ODF4: variants seen among roughly 807,000 people sequenced by gnomAD.
ODF4 encodes the protein outer dense fiber protein 4.
A neutral mutation model predicts 17.0 loss-of-function variants in ODF4; 11 were observed. The observed-to-expected ratio is 0.65, with a 90% CI of 0.41 to 1.07. ODF4 has a LOEUF of 1.07. Among genes scored for constraint, ODF4 ranks in the 50% least tolerant of loss-of-function variants. The pLI, the probability that ODF4 is intolerant of heterozygous loss-of-function variation, is 0.00. For missense variants in ODF4, 281 were observed against 310.2 expected (o/e 0.91, Z 0.71); for synonymous variants, 127 against 121.8 (o/e 1.04, Z -0.28).
In ODF4 at chr17:8,343,134, A is replaced by ATTTTT. The variant is rs67338704; in HGVS notation, c.455-2198_455-2194dup. On this transcript the variant is annotated intron_variant, in intron 1 of 2. Coordinates refer to ENST00000328248, the MANE Select transcript of ODF4 (RefSeq NM_153007.5). ...TTCTAAATCAAGGAGCTTATTGGAC[A>ATTTTT]TTTTTTTTTTTTTTTGAGATGGAGT... Among the ~76,000 whole-genome samples, 6 of 141,342 alleles carry ATTTTT rather than the reference A, an allele frequency of 4.2e-5. 1 individual carries two copies. The highest frequency in any genetic ancestry group is 7.1e-3 in the Middle Eastern group (2 of 282). 92.7% of individuals were successfully genotyped at this position (141,342 alleles called of 152,430 possible). A position where few individuals can be genotyped will look rare whatever the true frequency, so the allele number is the denominator to read the frequency against.
At chr17:8,340,733 G>C (rs1266578472) in intron 1 of ODF4, among the ~76,000 whole-genome samples, 1 of 152,094 alleles carries the variant, frequency 6.6e-6, no homozygotes, top group Admixed American at 6.6e-5. Context: ...ATAAAACCCA[G>C]AGCCAAATCT....
chr17:8,341,424 T>C (rs1906012754), intron 1 of ODF4, among the ~76,000 whole-genome samples: 1 of 152,182 alleles, frequency 6.6e-6, no homozygotes, highest in African/African-American at 2.4e-5. Flanking sequence ...TTTCCACATC[T>C]GGCTTCTGTG....
At chr17:8,343,133 CA>C (rs1906096349) in intron 1 of ODF4, among the ~76,000 whole-genome samples, 1 of 133,458 alleles carries the variant, frequency 7.5e-6, no homozygotes, top group Non-Finnish European at 1.6e-5. Flanking sequence ...GCTTATTGGA[CA>C]TTTTTTTTTT....
chr17:8,341,900 A>T (rs980694143), intron 1 of ODF4, among the ~76,000 whole-genome samples: 3 of 152,128 alleles, frequency 2.0e-5, no homozygotes, highest in Non-Finnish European at 4.4e-5. Flanking sequence ...TCCTTATTAT[A>T]ATAAATTTGG....
Position 8,340,418 on chromosome 17 carries a change from A to T in ODF4, c.367A>T (p.Arg123Ter), listed in dbSNP as rs766836269. ...GCGCTGGCCCGTGGATGTCAGCAAC[A>T]GAATCCACACATCAGCCCACGTTAT... ...YQRWPVDVSN[R>*]IHTSAHVMSM... The change falls in exon 1 of 3, where the codon AGA (arginine) becomes TGA (stop). Residue 123 changes from arginine to a stop codon, truncating the protein, a stop_gained. Transcript: ENST00000328248. LOFTEE classifies it high-confidence loss of function. 3.1e-6 allele frequency: 5 copies of T among 1,613,788 alleles called. No homozygotes were observed. In the Admixed American group the frequency reaches 5.0e-5, roughly 16 times the overall value.
rs751907224 is a variant in ODF4 at position 8,345,844 on chromosome 17, CAT to C, written c.767_768del (p.His256ArgfsTer27). On this transcript the variant is annotated frameshift_variant, in exon 3 of 3. Coordinates refer to ENST00000328248, the MANE Select transcript of ODF4 (RefSeq NM_153007.5). LOFTEE classifies it high-confidence loss of function. This position sits in a 1 kb window ranked among gnomAD's most constrained non-coding sequence, Gnocchi z 4.1. ...GVLDPEQKDT[H>X]V The stretch of plus-strand genomic sequence containing the variant: ...CCTGGATCCTGAGCAGAAGGATACA[CAT>C]GTGTAATCTTTTCTGAACTCCTGGC... 3.1e-6 allele frequency: 5 copies of C among 1,613,226 alleles called. No individual in the cohort carries two copies. Among genetic ancestry groups the C allele is most frequent in the Admixed American group, 3.3e-5 (2 of 59,946 alleles).
intron 1 of ODF4, among the ~76,000 whole-genome samples, chr17:8,344,329 C>T (rs1906143792): frequency 7.8e-6 from 1 of 127,506 alleles, no homozygotes; most frequent in Admixed American, 7.5e-5. Context: ...AGTTTAAGTC[C>T]TCTGTACATT....
chr17:8,341,827 C>T (rs8070734), intron 1 of ODF4, among the ~76,000 whole-genome samples: 15,199 of 151,908 alleles, frequency 0.1, 1,322 homozygotes, highest in East Asian at 0.4. Flanking sequence ...GTATTATGTC[C>T]TTATCATATG....
rs1352252715 is a variant in ODF4 at position 8,345,432 on chromosome 17, A to G, written c.544A>G (p.Ser182Gly). The change falls in exon 2 of 3, where the codon AGC becomes GGC. Residue 182 changes from serine (S) to glycine (G), a missense_variant. Transcript: ENST00000328248. This position sits in a 1 kb window ranked among gnomAD's most constrained non-coding sequence, Gnocchi z 4.1. Reference sequence around the variant, plus strand: ...GAATGTATCCATCCCCATAGGCTGGAGCTATTTCATTGGTTGGCTGGTGCT... The same window carrying G: ...GAATGTATCCATCCCCATAGGCTGGGGCTATTTCATTGGTTGGCTGGTGCT... ...ERNVSIPIGW[S>G]YFIGWLVLIL... 3 of 1,613,936 alleles carry G rather than the reference A, an allele frequency of 1.9e-6. No homozygotes were observed. Among genetic ancestry groups the G allele is most frequent in the African/African-American group, 1.3e-5 (1 of 75,002 alleles).
At chr17:8,340,544 G>T (rs1237064449) in intron 1 of ODF4, 39 bp downstream of exon 1, 3 of 1,226,804 alleles carry the variant, frequency 2.4e-6, no homozygotes. Context: ...CAGGCCGCCA[G>T]CCTGTCTTGG....
chr17:8,345,583 T>TCTTATC lies in ODF4; in HGVS notation c.590-84_590-79dup. 6.5e-7 allele frequency: 1 copy of TCTTATC among 1,527,770 alleles called. No homozygotes were observed. Among genetic ancestry groups the TCTTATC allele is most frequent in the Non-Finnish European group, 9.0e-7 (1 of 1,111,912 alleles). The allele number at this position is 1,527,770 out of a possible 1,614,324, so 94.6% of individuals were successfully genotyped here. On this transcript the variant is annotated intron_variant, in intron 2 of 2. Coordinates refer to ENST00000328248, the MANE Select transcript of ODF4 (RefSeq NM_153007.5). This position sits in a 1 kb window ranked among gnomAD's most constrained non-coding sequence, Gnocchi z 4.1. ...AATCCCCAGGGCTAGATTTTTAGGGTCTTATCTTCCCTTTGGTCTCACCCT... is the reference window on the plus strand; with the variant it reads ...AATCCCCAGGGCTAGATTTTTAGGGTCTTATCCTTATCTTCCCTTTGGTCTCACCCT...
chr17:8,341,209 C>T (rs764440808), intron 1 of ODF4, among the ~76,000 whole-genome samples: 11 of 151,234 alleles, frequency 7.3e-5, no homozygotes, highest in Admixed American at 4.6e-4. Context: ...AAAAAAGTTA[C>T]GAGGGGCATG....
intron 1 of ODF4, chr17:8,344,949 C>A: frequency 2.0e-6 from 2 of 1,011,054 alleles, no homozygotes; most frequent in Non-Finnish European, 2.4e-6. Flanking sequence ...GGGGCTGGGC[C>A]TCGTCCTCAC....
intron 1 of ODF4, among the ~76,000 whole-genome samples, chr17:8,341,968 G>A (rs1273321826): frequency 6.6e-6 from 1 of 152,076 alleles, no homozygotes; most frequent in Admixed American, 6.6e-5. Context: ...TTAGTCCTTA[G>A]TCAATCCTAA....
intron 1 of ODF4, among the ~76,000 whole-genome samples, chr17:8,341,785 G>GA (rs56671519): frequency 0.72 from 108,921 of 151,702 alleles, 39,575 homozygotes; most frequent in African/African-American, 0.83. Context: ...TCCTTAGCAT[G>GA]AAAAAAATCA....
Position 8,345,267 on chromosome 17 carries a change from G to A in ODF4, c.455-76G>A. 1.4e-6 allele frequency: 2 copies of A among 1,379,992 alleles called. No homozygotes were observed. Among genetic ancestry groups the A allele is most frequent in the East Asian group, 2.3e-5 (1 of 43,798 alleles). The allele number at this position is 1,379,992 out of a possible 1,614,324, so 85.5% of individuals were successfully genotyped here. On this transcript the variant is annotated intron_variant, in intron 1 of 2. Coordinates refer to ENST00000328248, the MANE Select transcript of ODF4 (RefSeq NM_153007.5). The surrounding 1 kb of genome is among the most constrained non-coding windows in gnomAD (Gnocchi z 4.1). ...GTGTGTGGTGATGTGGTTTGTGGCT[G>A]TAGCCTAGCAGATGAGGAAGAACCT...
chr17:8,340,919 C>A (rs551449177), intron 1 of ODF4, among the ~76,000 whole-genome samples: 3 of 150,020 alleles, frequency 2.0e-5, no homozygotes, highest in Admixed American at 6.7e-5. Context: ...CTGGGCACTG[C>A]GTCTCACACC....
Position 8,345,561 on chromosome 17 carries a change from C to A in ODF4, c.589+84C>A. 1.9e-6 allele frequency: 3 copies of A among 1,546,736 alleles called. No individual in the cohort carries two copies. The highest frequency in any genetic ancestry group is 2.3e-5 in the South Asian group (2 of 85,996). On this transcript the variant is annotated intron_variant, in intron 2 of 2. Transcript: ENST00000328248. This position sits in a 1 kb window ranked among gnomAD's most constrained non-coding sequence, Gnocchi z 4.1. ...AGTGTGGAGGGAAGAGGCTGGCAATCCCCAGGGCTAGATTTTTAGGGTCTT... is the reference window on the plus strand; with the variant it reads ...AGTGTGGAGGGAAGAGGCTGGCAATACCCAGGGCTAGATTTTTAGGGTCTT...
rs144855900 is a variant in ODF4 at position 8,343,919 on chromosome 17, G to T, written c.455-1424G>T. On this transcript the variant is annotated intron_variant, in intron 1 of 2. Transcript: ENST00000328248. ...ATTCTCTTGTCTCAGCTTCCCAGCA[G>T]CTGGGATTACAGGCGCATGCCACCA... Among the ~76,000 whole-genome samples the T allele has an allele frequency of 5.0e-5, 6 of 120,330 alleles. 2 individuals carry two copies. The highest frequency in any genetic ancestry group is 3.2e-4 in the Admixed American group (4 of 12,496). 78.9% of individuals were successfully genotyped at this position (120,330 alleles called of 152,430 possible). A position where few individuals can be genotyped will look rare whatever the true frequency, so the allele number is the denominator to read the frequency against.
Sources: gnomAD v4.1 joint callset for allele counts (sites outside exome capture counted in the v4.1 genomes callset) on GRCh38, gnomAD v4.1.1 for gene constraint, Gnocchi (gnomAD v3.1) non-coding constraint, MANE v1.5 for transcripts, NCBI Gene and HGNC (gene_info 2026-07-23, HGNC 2026-07-21) for gene names.